TMC5: variants seen among roughly 807,000 people sequenced by gnomAD.
TMC5 encodes the protein transmembrane channel-like protein 5.
A neutral mutation model predicts 110.5 loss-of-function variants in TMC5; 86 were observed. That is an observed-to-expected ratio of 0.78 (90% CI 0.65 to 0.93). TMC5 has a LOEUF of 0.93. Ranked by LOEUF, TMC5 falls within the 40% of genes least tolerant of loss-of-function variation. The pLI is 0.00. For missense variants in TMC5, 1,144 were observed against 1,222.8 expected (o/e 0.94, Z 0.96); for synonymous variants, 455 against 439.5 (o/e 1.04, Z -0.44).
intron 3 of TMC5, among the ~76,000 whole-genome samples, chr16:19,443,871 G>A (rs1026975638): frequency 6.6e-6 from 1 of 151,486 alleles, no homozygotes; most frequent in Non-Finnish European, 1.5e-5. Context: ...ATCAATGGAT[G>A]GATGAATGGA....
At chr16:19,474,074 AG>A (rs1356280200) in intron 11 of TMC5, 50 bp from the exon 12 acceptor site, 1 of 1,547,196 alleles carries the variant, frequency 6.5e-7, no homozygotes, top group Non-Finnish European at 8.7e-7. Flanking sequence ...TGAAGCAGAA[AG>A]GGGTACAGTG....
At chr16:19,475,960 T>G (rs1490615523) in intron 12 of TMC5, among the ~76,000 whole-genome samples, 5 of 152,184 alleles carry the variant, frequency 3.3e-5, no homozygotes, top group African/African-American at 1.2e-4. Flanking sequence ...AATCTTTGCC[T>G]TGTTCACAGT....
intron 20 of TMC5, 83 bp downstream of exon 20, chr16:19,494,449 G>C: frequency 1.1e-6 from 1 of 881,320 alleles, no homozygotes; most frequent in Middle Eastern, 2.6e-4. Flanking sequence ...TACAGACCAA[G>C]CTCTTGGGAT....
chr16:19,456,211 A>AT (rs1967866414), intron 5 of TMC5, among the ~76,000 whole-genome samples: 1 of 138,522 alleles, frequency 7.2e-6, no homozygotes, highest in African/African-American at 2.9e-5. Flanking sequence ...CATCTCAAAA[A>AT]AAAAAATATA....
chr16:19,460,296 G>A lies in TMC5; in HGVS notation c.1110G>A (p.Arg370=), dbSNP rs2143565956. 6.2e-7 allele frequency: 1 copy of A among 1,613,806 alleles called. No homozygotes were observed. The highest frequency in any genetic ancestry group is 2.2e-5 in the East Asian group (1 of 44,858). ...CCAGAGACAGAATTAAAGCCATCAG[G>A]AACCAGCCAAGGACCATGGAAGAGA... is the stretch of plus-strand genomic sequence containing the variant. ...MTSRDRIKAI[R]NQPRTMEEKR... is the part of the protein sequence containing the mutation. The change falls in exon 6 of 22, where the codon AGG becomes AGA. Residue 370 remains arginine (R), a synonymous_variant. Transcript: ENST00000542583.
At position 19,443,932 on chromosome 16, in the gene TMC5, C is replaced by CATGG. The variant is rs765935475; in HGVS notation, c.789-126_789-123dup. On this transcript the variant is annotated intron_variant, in intron 3 of 21. Coordinates refer to ENST00000542583, the MANE Select transcript of TMC5 (RefSeq NM_001261841.2). ...AAATACATGATTGAATGGATGGATA[C>CATGG]ATGGATGGATGGATGGATGGATGGA... The CATGG allele has an allele frequency of 2.4e-3, 1,770 of 727,510 alleles. 30 individuals are homozygous for CATGG. The East Asian group carries it at 0.033, about 14-fold the overall frequency. The allele number at this position is 727,510 out of a possible 1,614,324, so 45.1% of individuals were successfully genotyped here. A position where few individuals can be genotyped will look rare whatever the true frequency, so the allele number is the denominator to read the frequency against.
intron 12 of TMC5, among the ~76,000 whole-genome samples, chr16:19,476,342 G>C (rs1206750226): frequency 6.6e-6 from 1 of 152,032 alleles, no homozygotes; most frequent in Non-Finnish European, 1.5e-5. Flanking sequence ...GTGAGACCCT[G>C]TCGGAAGAAA....
At chr16:19,417,345 G>A (rs1034846442), upstream of TMC5, among the ~76,000 whole-genome samples, 1 of 150,480 alleles carries the variant, frequency 6.6e-6, no homozygotes, top group Admixed American at 6.7e-5. Flanking sequence ...CTTGAGTCCA[G>A]GAGGCGGAGG....
chr16:19,411,833 C>G (rs779486235), intron 1 of TMC5, among the ~76,000 whole-genome samples: 1 of 152,168 alleles, frequency 6.6e-6, no homozygotes, highest in African/African-American at 2.4e-5. Flanking sequence ...ACCTTTTATC[C>G]TTTCAATAAC....
upstream of TMC5, among the ~76,000 whole-genome samples, chr16:19,415,340 A>G (rs2056434579): frequency 6.6e-6 from 1 of 152,198 alleles, no homozygotes; most frequent in African/African-American, 2.4e-5. Flanking sequence ...CATTTAGAGC[A>G]GTGGTTCTCA....
At chr16:19,479,298 T>C (rs1358253658) in intron 13 of TMC5, 133 bp from the exon 14 acceptor site, 2 of 748,870 alleles carry the variant, frequency 2.7e-6, no homozygotes, top group Non-Finnish European at 4.8e-6. Flanking sequence ...GGGTCTACTT[T>C]TTTGAGTACA....
chr16:19,433,828 T>TC (rs1189861689), intron 2 of TMC5, among the ~76,000 whole-genome samples: 5 of 150,698 alleles, frequency 3.3e-5, no homozygotes, highest in Non-Finnish European at 5.9e-5. Context: ...TTTCTTTCTT[T>TC]CTTTTTTTTT....
At chr16:19,468,013 C>T (rs1042963745) in intron 9 of TMC5, among the ~76,000 whole-genome samples, 9 of 150,724 alleles carry the variant, frequency 6.0e-5, no homozygotes, top group Non-Finnish European at 1.2e-4. Context: ...CTTGCTCTGT[C>T]ACCCAGGCTG....
rs1968770557 is a variant in TMC5, at chr16:19,487,327, G to A, written c.2573+1G>A. On this transcript the variant is annotated splice_donor_variant, in intron 17 of 21. Transcript: ENST00000542583. LOFTEE classifies it high-confidence loss of function. ...GCACCCTGGCCATCACCATCTGGAGGTAGGAGAAGGTGGCCTTGGGGGAGG... is the reference window on the plus strand; with the variant it reads ...GCACCCTGGCCATCACCATCTGGAGATAGGAGAAGGTGGCCTTGGGGGAGG... 2 of 1,611,212 alleles carry A rather than the reference G, an allele frequency of 1.2e-6. No individual in the cohort carries two copies. Among genetic ancestry groups the A allele is most frequent in the Non-Finnish European group, 1.7e-6 (2 of 1,179,082 alleles).
At chr16:19,479,576 G>T in intron 14 of TMC5, 48 bp downstream of exon 14, 1 of 1,357,418 alleles carries the variant, frequency 7.4e-7, no homozygotes, top group Non-Finnish European at 1.1e-6. Context: ...GCTGTAAACA[G>T]AACCTGATTC....
At chr16:19,465,001 G>GTCTGTCTT (rs1192850138) in intron 8 of TMC5, among the ~76,000 whole-genome samples, 1 of 73,702 alleles carries the variant, frequency 1.4e-5, no homozygotes, top group Admixed American at 1.7e-4. Context: ...CTTTCCTTTT[G>GTCTGTCTT]TCTTTCTTTC....
rs5816052 is a variant in TMC5, at chr16:19,439,962, GAA to G, written c.-66_-65del. The G allele has an allele frequency of 6.8e-4, 694 of 1,018,884 alleles. No homozygotes were observed. The highest frequency in any genetic ancestry group is 1.1e-3 in the Middle Eastern group (3 of 2,786). The allele number at this position is 1,018,884 out of a possible 1,614,324, so 63.1% of individuals were successfully genotyped here. On this transcript the variant is annotated 5_prime_UTR_variant, in exon 3 of 22. Coordinates refer to ENST00000542583, the MANE Select transcript of TMC5 (RefSeq NM_001261841.2). ...TTTCTTTTCTTCTTGTTTTTCAGGT[GAA>G]AAAAAAAAAAGATCCCTGAGTAATT...
chr16:19,417,282 G>A (rs541675092), upstream of TMC5, among the ~76,000 whole-genome samples: 4 of 149,786 alleles, frequency 2.7e-5, no homozygotes, highest in South Asian at 8.5e-4. Context: ...AGTCAGGCAT[G>A]ATGGCTTGCA....
intron 5 of TMC5, among the ~76,000 whole-genome samples, chr16:19,451,988 G>A (rs774812675): frequency 6.6e-5 from 10 of 152,044 alleles, no homozygotes; most frequent in Non-Finnish European, 1.2e-4. Flanking sequence ...TAGTAGAGAC[G>A]GGGTTTCGGC....
Sources: allele counts gnomAD v4.1 joint callset (sites outside exome capture counted in the v4.1 genomes callset), GRCh38; gene constraint gnomAD v4.1.1; transcripts MANE v1.5; gene names NCBI Gene and HGNC (gene_info 2026-07-23, HGNC 2026-07-21).